CD55: variants seen among roughly 807,000 people sequenced by gnomAD.
CD55 encodes the protein CD55 molecule (Cromer blood group).
In CD55, 41 loss-of-function variants were observed where a neutral mutation model predicts 45.8. The ratio of observed to expected loss-of-function variants is 0.90; its 90% CI spans 0.70 to 1.16. The LOEUF is 1.16. CD55 is among the 50% of genes most tolerant of loss of function. CD55 has a pLI of 0.00. For synonymous variants in CD55, 181 were observed against 181.1 expected (o/e 1.00, Z 0.01); for missense variants, 416 against 469.8 (o/e 0.89, Z 1.06).
rs370171782 is a variant in CD55 at position 207,358,265 on chromosome 1, C to G, written c.1082-1281C>G. On this transcript the variant is annotated intron_variant, in intron 9 of 9. Transcript: ENST00000367064. ...GTTTGGCTAGCCTCCTGATTTCATA[C>G]TGATTTAATTAAATATTTGATCTTA... Among the ~76,000 whole-genome samples the G allele has an allele frequency of 3.9e-5, 6 of 152,242 alleles. No homozygotes were observed. In the East Asian group the frequency reaches 7.7e-4, roughly 20 times the overall value.
In CD55 at chr1:207,325,703, C is replaced by G. The variant is rs915871245; in HGVS notation, c.560C>G (p.Ser187Cys). Residue 187 changes from serine (S) to cysteine (C), a missense_variant, in exon 4 of 10, where the codon TCC becomes TGC. Physicochemically the swap from Ser to Cys is moderately radical, Grantham distance 112 (BLOSUM62 -1). This residue lies in a region of CD55 where 111 missense variants were observed against 163.4 expected (regional missense o/e 0.68). Transcript: ENST00000367064. The stretch of plus-strand genomic sequence containing the variant: ...GGCATATTATTTGGTGCAACCATCT[C>G]CTTCTCATGTAACACAGGGTAAGTT... ...PGGILFGATISFSCNTGYKLF... is the reference protein window; with the variant it reads ...PGGILFGATICFSCNTGYKLF... 6 of 1,605,094 alleles carry G rather than the reference C, an allele frequency of 3.7e-6. No homozygotes were observed. In the African/African-American group the frequency reaches 8.0e-5, roughly 21 times the overall value.
intron 1 of CD55, 68 bp from the exon 2 acceptor site, chr1:207,322,314 G>A: frequency 7.6e-7 from 1 of 1,319,962 alleles, no homozygotes; most frequent in South Asian, 1.2e-5. Context: ...GGGGGCTTGT[G>A]TCTTGAAAAC....
chr1:207,330,873 T>G (rs1654912073), intron 5 of CD55, among the ~76,000 whole-genome samples: 2 of 152,234 alleles, frequency 1.3e-5, no homozygotes, highest in African/African-American at 4.8e-5. Context: ...TCTTATTATT[T>G]CTATGAATTG....
chr1:207,359,319 A>G (rs749784935), intron 9 of CD55, among the ~76,000 whole-genome samples: 1 of 152,058 alleles, frequency 6.6e-6, no homozygotes, highest in Non-Finnish European at 1.5e-5. Context: ...GTTCAACTCG[A>G]GAAACTAAAA....
intron 9 of CD55, among the ~76,000 whole-genome samples, chr1:207,345,016 A>G (rs565378602): frequency 1.3e-5 from 2 of 152,168 alleles, no homozygotes; most frequent in Non-Finnish European, 2.9e-5. Context: ...GCACCGGGCC[A>G]GAGAAGACCT....
At chr1:207,321,974 C>T (rs550320443) in intron 1 of CD55, 109 bp downstream of exon 1, 4 of 772,108 alleles carry the variant, frequency 5.2e-6, no homozygotes, top group Admixed American at 5.9e-5. Flanking sequence ...GGAGCTTGGC[C>T]CGCGGTCGTG....
chr1:207,331,490 CAT>C (rs1654945555), intron 6 of CD55, among the ~76,000 whole-genome samples, 194 bp downstream of exon 6: 1 of 146,608 alleles, frequency 6.8e-6, no homozygotes, highest in African/African-American at 2.5e-5. Flanking sequence ...CACACACACA[CAT>C]ACTCACACAT....
In CD55 at chr1:207,337,329, C is replaced by T. The variant is rs369754864; in HGVS notation, c.980C>T (p.Ala327Val). Residue 327 changes from alanine (A) to valine (V), a missense_variant and splice_region_variant, in exon 8 of 10, where the codon GCA (alanine) becomes GTA (valine). Physicochemically the swap from Ala to Val is moderately conservative, Grantham distance 64. Transcript: ENST00000367064. ...TTKTTTPNAQATRSTPVSRTT... is the reference protein window; with the variant it reads ...TTKTTTPNAQVTRSTPVSRTT... ...AGATTCCCTTCTGCTCATATTACAGCAACACGGAGTACACCTGTTTCCAGG... is the reference window on the plus strand; with the variant it reads ...AGATTCCCTTCTGCTCATATTACAGTAACACGGAGTACACCTGTTTCCAGG... The T allele has an allele frequency of 1.9e-6, 3 of 1,597,196 alleles. No individual in the cohort carries two copies. The highest frequency in any genetic ancestry group is 1.7e-5 in the Admixed American group (1 of 59,936).
chr1:207,322,221 C>G (rs1443457696), intron 1 of CD55, 161 bp from the exon 2 acceptor site: 6 of 741,716 alleles, frequency 8.1e-6, no homozygotes, highest in Non-Finnish European at 1.5e-5. Context: ...GCTGACCGTT[C>G]CCCACTCTCG....
chr1:207,325,837 C>T lies in CD55; in HGVS notation c.578+116C>T, dbSNP rs374764368. 1.1e-5 allele frequency: 6 copies of T among 568,314 alleles called. No homozygotes were observed. The East Asian group carries it at 1.5e-4, about 14-fold the overall frequency. 35.2% of individuals were successfully genotyped at this position (568,314 alleles called of 1,614,324 possible). A position where few individuals can be genotyped will look rare whatever the true frequency, so the allele number is the denominator to read the frequency against. On this transcript the variant is annotated intron_variant, in intron 4 of 9. Transcript: ENST00000367064. ...CACAGCTAGTAGCAATTAAAACAAT[C>T]CCTCTCCTCAAAGACCCTTCATCAT...
chr1:207,322,633 C>G, intron 2 of CD55, 66 bp downstream of exon 2: 1 of 1,321,722 alleles, frequency 7.6e-7, no homozygotes, highest in South Asian at 1.4e-5. Context: ...TTTTTATATA[C>G]CTTTGGAGTG....
intron 5 of CD55, among the ~76,000 whole-genome samples, chr1:207,329,655 A>C (rs187340441): frequency 3.3e-5 from 5 of 151,966 alleles, no homozygotes; most frequent in Admixed American, 2.6e-4. Context: ...TCTGTTGCCC[A>C]GGCTGAAGTG....
chr1:207,339,805 T>G (rs1655340093), intron 9 of CD55, among the ~76,000 whole-genome samples: 1 of 152,180 alleles, frequency 6.6e-6, no homozygotes, highest in African/African-American at 2.4e-5. Flanking sequence ...TTAGTCAATA[T>G]CCAAACTTCC....
chr1:207,325,783 G>A (rs1654654872), intron 4 of CD55, 62 bp downstream of exon 4: 6 of 937,470 alleles, frequency 6.4e-6, no homozygotes, highest in Non-Finnish European at 6.8e-6. Flanking sequence ...AGGACTTAAG[G>A]TGAGATTGTT....
chr1:207,355,189 A>G (rs1184536452), intron 9 of CD55, among the ~76,000 whole-genome samples: 1 of 152,196 alleles, frequency 6.6e-6, no homozygotes, highest in Non-Finnish European at 1.5e-5. Flanking sequence ...GCAATTGTAC[A>G]GTGTCTCTAT....
In CD55 at chr1:207,322,226, C is replaced by T. The variant is rs755161987; in HGVS notation, c.101-156C>T. 4 of 751,436 alleles carry T rather than the reference C, an allele frequency of 5.3e-6. No homozygotes were observed. The East Asian group carries it at 1.0e-4, about 20-fold the overall frequency. 46.5% of individuals were successfully genotyped at this position (751,436 alleles called of 1,614,324 possible). A position where few individuals can be genotyped will look rare whatever the true frequency, so the allele number is the denominator to read the frequency against. On this transcript the variant is annotated intron_variant, in intron 1 of 9. Coordinates refer to ENST00000367064, the MANE Select transcript of CD55 (RefSeq NM_000574.5). ...AGGCCAGACCGCTGACCGTTCCCCACTCTCGACAGAGTCCAGCCGTGTGGA... is the reference window on the plus strand; with the variant it reads ...AGGCCAGACCGCTGACCGTTCCCCATTCTCGACAGAGTCCAGCCGTGTGGA...
chr1:207,332,465 A>C (rs977543477), intron 6 of CD55, among the ~76,000 whole-genome samples: 1 of 152,228 alleles, frequency 6.6e-6, no homozygotes, highest in African/African-American at 2.4e-5. Flanking sequence ...ACTGCTTTTT[A>C]AAAGACTGTA....
At chr1:207,353,871 A>G (rs1655983554) in intron 9 of CD55, 3 of 670,770 alleles carry the variant, frequency 4.5e-6, no homozygotes, top group Admixed American at 3.2e-5. Flanking sequence ...ATCATCTACG[A>G]AAATCTCTTC....
chr1:207,347,156 G>A (rs551345156), intron 9 of CD55: 3 of 456,272 alleles, frequency 6.6e-6, no homozygotes, highest in East Asian at 6.9e-5. Context: ...AAGAGGAGAA[G>A]ACCAGAGGCA....
Sources: gnomAD v4.1 joint callset for allele counts (sites outside exome capture counted in the v4.1 genomes callset) on GRCh38, gnomAD v4.1.1 for gene constraint, gnomAD v4.1.1 regional missense constraint, MANE v1.5 for transcripts, NCBI Gene and HGNC (gene_info 2026-07-23, HGNC 2026-07-21) for gene names.